Variants in SPEG observed in about 807,000 individuals in gnomAD.
SPEG encodes striated muscle preferentially expressed protein kinase.
Under a neutral mutation model 300.4 loss-of-function variants are expected in SPEG, and 114 were observed. The ratio of observed to expected loss-of-function variants is 0.38; its 90% CI spans 0.33 to 0.44. The LOEUF (loss-of-function observed/expected upper bound fraction) is 0.44. SPEG is among the 20% of genes least tolerant of loss of function. SPEG has a pLI of 1.00. For missense variants in SPEG, 4,201 were observed against 4,586.2 expected (o/e 0.92, Z 2.43); for synonymous variants, 1,964 against 2,018.9 (o/e 0.97, Z 0.73).
intron 18 of SPEG, among the ~76,000 whole-genome samples, chr2:219,475,738 A>G (rs1692276820): frequency 6.6e-6 from 1 of 152,170 alleles, no homozygotes. Flanking sequence ...ACAGTGACCG[A>G]TGGAGCCCCA....
At position 219,493,065 on chromosome 2, in the gene SPEG, GA is replaced by G; in HGVS notation, c.*283del. On this transcript the variant is annotated 3_prime_UTR_variant, in exon 41 of 41. Coordinates refer to ENST00000312358, the MANE Select transcript of SPEG (RefSeq NM_005876.5). ...AAGAGGGGAATGGAGAAGTGGAGAG[GA>G]AAAGGAATCGAGGGACAGGAAGGGG... The G allele has an allele frequency of 1.5e-6, 1 of 675,276 alleles. No homozygotes were observed. The highest frequency in any genetic ancestry group is 2.7e-6 in the Non-Finnish European group (1 of 367,778). The allele number at this position is 675,276 out of a possible 1,614,324, so 41.8% of individuals were successfully genotyped here.
At chr2:219,465,886 CATGTGTGCGT>C (rs1461038644) in intron 9 of SPEG, 3 of 635,384 alleles carry the variant, frequency 4.7e-6, no homozygotes, top group Middle Eastern at 3.5e-4. Flanking sequence ...CGTGCGTGTG[CATGTGTGCGT>C]ATGGGTGTGT....
In SPEG at chr2:219,473,824, C is replaced by T; in HGVS notation, c.4368C>T (p.Arg1456=). ...QYCLRICRVS[R]RDMGALTCTA... is the part of the protein sequence containing the mutation. Reference sequence around the variant, plus strand: ...GTCTTCGGATCTGCCGGGTGAGCCGCCGGGACATGGGGGCCCTCACCTGCA... The same window carrying T: ...GTCTTCGGATCTGCCGGGTGAGCCGTCGGGACATGGGGGCCCTCACCTGCA... Residue 1456 remains arginine (R), a synonymous_variant, in exon 18 of 41, where the codon CGC becomes CGT. Transcript: ENST00000312358. The surrounding 1 kb of genome is among the most constrained non-coding windows in gnomAD (Gnocchi z 4.6). 1 of 1,613,862 alleles carries T rather than the reference C, an allele frequency of 6.2e-7. No individual in the cohort carries two copies. The highest frequency in any genetic ancestry group is 2.2e-5 in the East Asian group (1 of 44,880).
chr2:219,466,963 C>T (rs1297384221), intron 9 of SPEG: 2 of 1,044,336 alleles, frequency 1.9e-6, no homozygotes, highest in Non-Finnish European at 2.5e-6. Context: ...CATGAATCAC[C>T]CTCCCTGGCC....
Position 219,434,927 on chromosome 2 carries a change from C to G in SPEG, c.-51C>G. 7.2e-7 allele frequency: 1 copy of G among 1,395,518 alleles called. No individual in the cohort carries two copies. Among genetic ancestry groups the G allele is most frequent in the Admixed American group, 2.8e-5 (1 of 35,942 alleles). 86.4% of individuals were successfully genotyped at this position (1,395,518 alleles called of 1,614,324 possible). A position where few individuals can be genotyped will look rare whatever the true frequency, so the allele number is the denominator to read the frequency against. The stretch of plus-strand genomic sequence containing the variant: ...CTCCTAGGGCACCGTCCCGCGGGTG[C>G]CCCCGTGGCCGCCCAGTTCCGGCGT... On this transcript the variant is annotated 5_prime_UTR_variant, in exon 1 of 41. Coordinates refer to ENST00000312358, the MANE Select transcript of SPEG (RefSeq NM_005876.5).
At position 219,472,242 on chromosome 2, in the gene SPEG, C is replaced by T; in HGVS notation, c.3851C>T (p.Pro1284Leu). Residue 1284 changes from proline to leucine, a missense_variant, in exon 15 of 41, where the codon CCT (proline) becomes CTT (leucine). Pro to Leu is a moderately conservative substitution (Grantham distance 98). Coordinates refer to ENST00000312358, the MANE Select transcript of SPEG (RefSeq NM_005876.5). Reference sequence around the variant, plus strand: ...CGGCTTTCAGATGTGGTCCCAGGCCCTCCAGATGGCGCCCCGCAGGTGGTG... The same window carrying T: ...CGGCTTTCAGATGTGGTCCCAGGCCTTCCAGATGGCGCCCCGCAGGTGGTG... ...HLYVTDVVPGPPDGAPQVVAV... is the reference protein window; with the variant it reads ...HLYVTDVVPGLPDGAPQVVAV... The T allele has an allele frequency of 5.6e-6, 9 of 1,613,846 alleles. No homozygotes were observed. Among genetic ancestry groups the T allele is most frequent in the Non-Finnish European group, 7.6e-6 (9 of 1,180,006 alleles).
chr2:219,484,920 C>A lies in SPEG; in HGVS notation c.7457C>A (p.Pro2486Gln), dbSNP rs372980452. 131 of 1,527,914 alleles carry A rather than the reference C, an allele frequency of 8.6e-5. No individual in the cohort carries two copies. In the African/African-American group the frequency reaches 9.7e-4, roughly 11 times the overall value. The allele number at this position is 1,527,914 out of a possible 1,614,324, so 94.6% of individuals were successfully genotyped here. The change falls in exon 30 of 41, where the codon CCG becomes CAG. Residue 2486 changes from proline (P) to glutamine (Q), a missense_variant. Physicochemically the swap from Pro to Gln is moderately conservative, Grantham distance 76 (BLOSUM62 -1). This residue lies in a region of SPEG where 1,578 missense variants were observed against 1,506.0 expected (regional missense o/e 1.05). Transcript: ENST00000312358. ...GGGGGCGCGTCGGGCCGCAGCACGC[C>A]GCTGTTCGGACGGCTTCGCAGGGCC... ...DSGGASGRST[P>Q]LFGRLRRATS...
chr2:219,451,725 A>T lies in SPEG; in HGVS notation c.2358A>T (p.Ala786=). Residue 786 remains alanine (A), a synonymous_variant, in exon 6 of 41, where the codon GCA becomes GCT. Coordinates refer to ENST00000312358, the MANE Select transcript of SPEG (RefSeq NM_005876.5). The surrounding 1 kb of genome is among the most constrained non-coding windows in gnomAD (Gnocchi z 6.4). ...RHTLLLREAR[A]ADAGSYMATA... ...CCCTGCTGCTCAGGGAGGCCAGGGC[A>T]GCAGATGCCGGGAGCTATATGGCCA... 1 of 1,564,396 alleles carries T rather than the reference A, an allele frequency of 6.4e-7. No homozygotes were observed. Among genetic ancestry groups the T allele is most frequent in the Non-Finnish European group, 8.7e-7 (1 of 1,155,122 alleles).
rs747261055 is a variant in SPEG at position 219,444,629 on chromosome 2, CCA to C, written c.389-19_389-18del. On this transcript the variant is annotated intron_variant, in intron 1 of 40. Coordinates refer to ENST00000312358, the MANE Select transcript of SPEG (RefSeq NM_005876.5). This position sits in a 1 kb window ranked among gnomAD's most constrained non-coding sequence, Gnocchi z 7.8. ...GGAGGCAGAGGGAGGAGGGCCCTGC[CCA>C]CACAGACCCCTTCTTCTCCAGACTC... is the stretch of plus-strand genomic sequence containing the variant. The C allele has an allele frequency of 3.9e-5, 63 of 1,598,676 alleles. 1 individual carries two copies. The highest frequency in any genetic ancestry group is 2.0e-4 in the South Asian group (18 of 90,784).
In SPEG at chr2:219,493,121, T is replaced by C; in HGVS notation, c.*335T>C. On this transcript the variant is annotated 3_prime_UTR_variant, in exon 41 of 41. Coordinates refer to ENST00000312358, the MANE Select transcript of SPEG (RefSeq NM_005876.5). ...CTCTAGGAAGGTTCTGGGTTGGGGG[T>C]CAGTGCATCTCAGGGAGAACCAAGG... The C allele has an allele frequency of 1.9e-6, 1 of 530,682 alleles. No individual in the cohort carries two copies. Among genetic ancestry groups the C allele is most frequent in the Non-Finnish European group, 3.5e-6 (1 of 281,724 alleles). The allele number at this position is 530,682 out of a possible 1,614,324, so 32.9% of individuals were successfully genotyped here. A position where few individuals can be genotyped will look rare whatever the true frequency, so the allele number is the denominator to read the frequency against.
Position 219,467,194 on chromosome 2 carries a change from C to T in SPEG, c.2902C>T (p.Leu968=), listed in dbSNP as rs760230996. The T allele has an allele frequency of 5.0e-6, 8 of 1,586,544 alleles. No homozygotes were observed. Among genetic ancestry groups the T allele is most frequent in the Non-Finnish European group, 6.9e-6 (8 of 1,167,596 alleles). Residue 968 remains leucine (L), a synonymous_variant, in exon 10 of 41, where the codon CTG becomes TTG. Coordinates refer to ENST00000312358, the MANE Select transcript of SPEG (RefSeq NM_005876.5). ...EVRAHPESRS[L]AVLAPLQDVD... ...CTCAGCACACCCTGAAAGCCGGTCC[C>T]TGGCCGTGCTGGCCCCCCTGCAGGA...
At chr2:219,441,442 G>A (rs2125216776) in intron 1 of SPEG, 1 of 462,320 alleles carries the variant, frequency 2.2e-6, no homozygotes, top group South Asian at 1.6e-5. Flanking sequence ...CACCCGCCAG[G>A]ACCCTTGCCC....
At position 219,445,053 on chromosome 2, in the gene SPEG, C is replaced by T. The variant is rs1386695284; in HGVS notation, c.707C>T (p.Ala236Val). 2 of 1,607,240 alleles carry T rather than the reference C, an allele frequency of 1.2e-6. No homozygotes were observed. Among genetic ancestry groups the T allele is most frequent in the East Asian group, 4.5e-5 (2 of 44,464 alleles). ...GAGCCGCTGGTGCGGGCATCTCGAG[C>T]TAATCTGGTGGGCGCAAGCTGGGGG... ...GVEPLVRASR[A>V]NLVGASWGSE... Residue 236 changes from alanine to valine, a missense_variant, in exon 3 of 41, where the codon GCT (alanine) becomes GTT (valine). Physicochemically the swap from Ala to Val is moderately conservative, Grantham distance 64 (BLOSUM62 0). This residue lies in a region of SPEG where 1,258 missense variants were observed against 1,293.9 expected (regional missense o/e 0.97). Coordinates refer to ENST00000312358, the MANE Select transcript of SPEG (RefSeq NM_005876.5). The surrounding 1 kb of genome is among the most constrained non-coding windows in gnomAD (Gnocchi z 6.1).
chr2:219,477,753 C>T lies in SPEG; in HGVS notation c.4794C>T (p.Ser1598=), dbSNP rs774836908. 9 of 1,609,322 alleles carry T rather than the reference C, an allele frequency of 5.6e-6. No individual in the cohort carries two copies. The highest frequency in any genetic ancestry group is 5.3e-5 in the African/African-American group (4 of 74,868). ...EDEDHRGRRL[S]DFYDIHQEIG... ...AGGACCATCGAGGAAGGAGACTCAGCGACTTTTATGACATCCACCAGGAGA... is the reference window on the plus strand; with the variant it reads ...AGGACCATCGAGGAAGGAGACTCAGTGACTTTTATGACATCCACCAGGAGA... The change falls in exon 21 of 41, where the codon AGC becomes AGT. Residue 1598 remains serine (S), a synonymous_variant. Coordinates refer to ENST00000312358, the MANE Select transcript of SPEG (RefSeq NM_005876.5). This position sits in a 1 kb window ranked among gnomAD's most constrained non-coding sequence, Gnocchi z 6.4.
intron 8 of SPEG, among the ~76,000 whole-genome samples, chr2:219,463,638 T>G (rs1198259200): frequency 3.3e-5 from 5 of 151,588 alleles, no homozygotes; most frequent in South Asian, 4.2e-4. Context: ...ACTCCTGACC[T>G]CAGGTGATCC....
chr2:219,441,446 C>T (rs555410653), intron 1 of SPEG: 1 of 463,460 alleles, frequency 2.2e-6, no homozygotes, highest in Non-Finnish European at 4.4e-6. Context: ...CGCCAGGACC[C>T]TTGCCCTGCG....
At chr2:219,474,207 A>G (rs142085364) in intron 18 of SPEG, 15,957 of 239,868 alleles carry the variant, frequency 0.067, 676 homozygotes, top group Non-Finnish European at 0.084. Context: ...GTGAAACCCC[A>G]TCTCTACTAA....
In SPEG at chr2:219,462,403, T is replaced by A; in HGVS notation, c.2705+17T>A. On this transcript the variant is annotated intron_variant, in intron 8 of 40. Coordinates refer to ENST00000312358, the MANE Select transcript of SPEG (RefSeq NM_005876.5). ...GGTCTCCTGGTGAGTAGCCGCACTT[T>A]CCACCACCCACCAGCGACTCTATGC... The A allele has an allele frequency of 6.5e-7, 1 of 1,546,688 alleles. No individual in the cohort carries two copies. Among genetic ancestry groups the A allele is most frequent in the Non-Finnish European group, 8.8e-7 (1 of 1,142,516 alleles).
chr2:219,474,527 G>A (rs1211084141), intron 18 of SPEG: 1 of 152,440 alleles, frequency 6.6e-6, no homozygotes, highest in African/African-American at 2.4e-5. Context: ...AGGAGACTGA[G>A]GCCGAGGCTA....
Sources: gnomAD v4.1 joint callset for allele counts (sites outside exome capture counted in the v4.1 genomes callset) on GRCh38, gnomAD v4.1.1 for gene constraint, gnomAD v4.1.1 regional missense constraint, Gnocchi (gnomAD v3.1) non-coding constraint, MANE v1.5 for transcripts, NCBI Gene and HGNC (gene_info 2026-07-23, HGNC 2026-07-21) for gene names.